HMGB1: variants seen among roughly 807,000 people sequenced by gnomAD.
HMGB1 encodes the protein high mobility group box 1.
For missense variants in HMGB1, 79 were observed against 253.5 expected (o/e 0.31, Z 4.67); for synonymous variants, 81 against 84.0 (o/e 0.96, Z 0.19).
intron 1 of HMGB1, among the ~76,000 whole-genome samples, chr13:30,582,844 C>T (rs1010453539): frequency 1.3e-5 from 2 of 152,212 alleles, no homozygotes; most frequent in Non-Finnish European, 2.9e-5. Context: ...CAGCACCCCA[C>T]ATCCAACCCA....
At chr13:30,575,914 C>T (rs1023290036) in intron 1 of HMGB1, among the ~76,000 whole-genome samples, 11 of 151,956 alleles carry the variant, frequency 7.2e-5, no homozygotes, top group Non-Finnish European at 1.2e-4. Context: ...AAAAAAAATT[C>T]GTTTTAAGTG....
intron 1 of HMGB1, among the ~76,000 whole-genome samples, chr13:30,546,604 C>A (rs1244960604): frequency 6.6e-6 from 1 of 152,104 alleles, no homozygotes; most frequent in East Asian, 1.9e-4. Context: ...CCAGTTCAGC[C>A]TTCTGAGTAA....
In HMGB1 at chr13:30,458,880, G is replaced by GT. The variant is rs1205707867; in HGVS notation, c.*2476dup. ...TGATGGGACGATCATCAGAACTGTG[G>GT]TAACTAATCAGCAATAGCTCTCAAC... On this transcript the variant is annotated 3_prime_UTR_variant, in exon 5 of 5. Coordinates refer to ENST00000341423, the MANE Select transcript of HMGB1 (RefSeq NM_002128.7). The GT allele has an allele frequency of 2.0e-5, 3 of 152,104 alleles. No individual in the cohort carries two copies. The highest frequency in any genetic ancestry group is 4.1e-4 in the South Asian group (2 of 4,836). The allele number at this position is 152,104 out of a possible 1,614,324, so 9.4% of individuals were successfully genotyped here.
chr13:30,558,580 T>C (rs1404610763), intron 1 of HMGB1, among the ~76,000 whole-genome samples: 1 of 152,214 alleles, frequency 6.6e-6, no homozygotes, highest in Admixed American at 6.5e-5. Context: ...ATGTCCGGGC[T>C]TTTAGCAATA....
intron 1 of HMGB1, among the ~76,000 whole-genome samples, chr13:30,600,520 G>A (rs1389002894): frequency 2.6e-5 from 4 of 152,140 alleles, no homozygotes; most frequent in Admixed American, 2.6e-4. Context: ...CAAGTATTCT[G>A]CTAGATATTT....
chr13:30,463,756 T>C, intron 1 of HMGB1, 62 bp from the exon 2 acceptor site: 2 of 1,113,482 alleles, frequency 1.8e-6, no homozygotes, highest in South Asian at 3.2e-5. Flanking sequence ...GACCTTAAAG[T>C]ACTTAGTAAG....
At chr13:30,481,382 G>GC (rs1887224916) in intron 1 of HMGB1, among the ~76,000 whole-genome samples, 1 of 152,180 alleles carries the variant, frequency 6.6e-6, no homozygotes. Context: ...ACATTCCGAA[G>GC]CTACCCAACA....
chr13:30,525,854 T>TTG (rs1555237424), intron 1 of HMGB1, among the ~76,000 whole-genome samples: 6 of 149,066 alleles, frequency 4.0e-5, no homozygotes, highest in African/African-American at 1.5e-4. Flanking sequence ...AAGATGAGAT[T>TTG]GTGGGGGGAC....
rs1255111514 is a variant in HMGB1, at chr13:30,460,018, T to G, written c.*1339A>C. ...GTGTAAAATTACAAGAACGCTATTTTAAAATACTGGCACTTTAAGAAAACG... is the reference window on the plus strand; with the variant it reads ...GTGTAAAATTACAAGAACGCTATTTGAAAATACTGGCACTTTAAGAAAACG... On this transcript the variant is annotated 3_prime_UTR_variant, in exon 5 of 5. Transcript: ENST00000341423. The G allele has an allele frequency of 6.6e-6, 1 of 152,582 alleles. No individual in the cohort carries two copies. The highest frequency in any genetic ancestry group is 1.5e-5 in the Non-Finnish European group (1 of 67,992). The allele number at this position is 152,582 out of a possible 1,614,324, so 9.5% of individuals were successfully genotyped here. A position where few individuals can be genotyped will look rare whatever the true frequency, so the allele number is the denominator to read the frequency against.
intron 1 of HMGB1, among the ~76,000 whole-genome samples, chr13:30,485,484 C>T (rs952549482): frequency 3.9e-5 from 6 of 152,026 alleles, no homozygotes; most frequent in East Asian, 1.9e-4. Context: ...GTGGTGTCAC[C>T]GGAAAACACG....
At chr13:30,530,998 T>C (rs1164398670) in intron 1 of HMGB1, among the ~76,000 whole-genome samples, 1 of 152,118 alleles carries the variant, frequency 6.6e-6, no homozygotes, top group African/African-American at 2.4e-5. Context: ...AGTGAGCTGA[T>C]ATTGTGCCAC....
chr13:30,509,536 C>T (rs903529178), intron 1 of HMGB1, among the ~76,000 whole-genome samples: 14 of 152,132 alleles, frequency 9.2e-5, no homozygotes, highest in Non-Finnish European at 1.5e-4. Flanking sequence ...CCACGCCTGG[C>T]CGTGCCCCAA....
At chr13:30,591,740 G>C (rs1017194399) in intron 1 of HMGB1, among the ~76,000 whole-genome samples, 1 of 152,024 alleles carries the variant, frequency 6.6e-6, no homozygotes. Flanking sequence ...GGGCTCAAGC[G>C]ATCCTCCCAC....
chr13:30,537,652 CATATATATATATATATAT>C (rs58424009), intron 1 of HMGB1, among the ~76,000 whole-genome samples: 1,834 of 68,042 alleles, frequency 0.027, 56 homozygotes, highest in African/African-American at 0.04. Flanking sequence ...CATTCTTGTT[CATATATATATATATATAT>C]ATATATATAT....
Position 30,475,018 on chromosome 13 carries a change from C to T in HMGB1, c.-14-11324G>A, listed in dbSNP as rs1367287699. Reference sequence around the variant, plus strand: ...TCCCTTAGGCTGGAGTGCAGTGATGCGACCTCAGCTCTCTCTCTCTCTCTC... The same window carrying T: ...TCCCTTAGGCTGGAGTGCAGTGATGTGACCTCAGCTCTCTCTCTCTCTCTC... On this transcript the variant is annotated intron_variant, in intron 1 of 4. Transcript: ENST00000405805. 4.3e-5 allele frequency among the ~76,000 whole-genome samples: 4 copies of T among 91,974 alleles called. No individual in the cohort carries two copies. The East Asian group carries it at 1.1e-3, about 25-fold the overall frequency. The allele number at this position is 91,974 out of a possible 152,430, so 60.3% of individuals were successfully genotyped here.
At chr13:30,463,154 TCA>T (rs1886467128) in intron 3 of HMGB1, 51 bp downstream of exon 3, 2 of 1,556,956 alleles carry the variant, frequency 1.3e-6, no homozygotes, top group East Asian at 2.2e-5. Context: ...TAAATTTCTC[TCA>T]GATTCTACTG....
At chr13:30,490,843 G>A (rs1887473918) in intron 1 of HMGB1, among the ~76,000 whole-genome samples, 1 of 151,932 alleles carries the variant, frequency 6.6e-6, no homozygotes, top group African/African-American at 2.4e-5. Context: ...CTTTCCTGAA[G>A]ACGTGCTTTT....
intron 1 of HMGB1, among the ~76,000 whole-genome samples, chr13:30,594,890 ATAG>A (rs1049890987): frequency 2.6e-5 from 4 of 152,176 alleles, no homozygotes; most frequent in Non-Finnish European, 5.9e-5. Context: ...CTGATTTTTA[ATAG>A]TAGCCATTTT....
intron 1 of HMGB1, among the ~76,000 whole-genome samples, chr13:30,573,650 CTTTT>C (rs774433276): frequency 4.5e-5 from 6 of 132,392 alleles, no homozygotes; most frequent in Non-Finnish European, 3.3e-5. Flanking sequence ...CTAGCATTTT[CTTTT>C]TTTTTTTTTT....
Sources: gnomAD v4.1 joint callset for allele counts (sites outside exome capture counted in the v4.1 genomes callset) on GRCh38, gnomAD v4.1.1 for gene constraint, MANE v1.5 for transcripts, NCBI Gene and HGNC (gene_info 2026-07-23, HGNC 2026-07-21) for gene names.